CYP7B1: variants seen among roughly 807,000 people sequenced by gnomAD.
CYP7B1 encodes cytochrome P450 7B1.
CYP7B1 carries 29 observed loss-of-function variants against 42.7 expected under a neutral mutation model. That is an observed-to-expected ratio of 0.68 (90% CI 0.51 to 0.93). The LOEUF is 0.93. CYP7B1 is among the 40% of genes least tolerant of loss of function. CYP7B1 has a pLI of 0.00. For missense variants in CYP7B1, 655 were observed against 600.5 expected (o/e 1.09, Z -0.95); for synonymous variants, 235 against 218.2 (o/e 1.08, Z -0.68).
At chr8:64,780,726 C>G (rs1272713173) in intron 1 of CYP7B1, among the ~76,000 whole-genome samples, 1 of 152,090 alleles carries the variant, frequency 6.6e-6, no homozygotes. Flanking sequence ...TTGTATAAAG[C>G]ACAAAAACCT....
At chr8:64,641,659 G>A (rs1466513882) in intron 1 of CYP7B1, among the ~76,000 whole-genome samples, 1 of 152,174 alleles carries the variant, frequency 6.6e-6, no homozygotes, top group Non-Finnish European at 1.5e-5. Context: ...GTAGATTGTA[G>A]TGGTGTTCAC....
chr8:64,665,582 T>G (rs28589796), intron 1 of CYP7B1, among the ~76,000 whole-genome samples: 1 of 123,866 alleles, frequency 8.1e-6, no homozygotes, highest in African/African-American at 3.1e-5. Context: ...TTTTTTTTTT[T>G]TTTTTTTTTT....
chr8:64,608,780 A>G (rs1369520724), intron 4 of CYP7B1, among the ~76,000 whole-genome samples: 2 of 152,224 alleles, frequency 1.3e-5, no homozygotes, highest in African/African-American at 4.8e-5. Flanking sequence ...AAGGTAAATA[A>G]GAAATTGTGA....
At chr8:64,640,032 T>A (rs1157902761) in intron 1 of CYP7B1, among the ~76,000 whole-genome samples, 1 of 152,104 alleles carries the variant, frequency 6.6e-6, no homozygotes, top group Non-Finnish European at 1.5e-5. Context: ...CCCAAAAGCA[T>A]TATGCTAAGA....
chr8:64,731,928 C>T (rs937251775), intron 1 of CYP7B1, among the ~76,000 whole-genome samples: 34 of 152,344 alleles, frequency 2.2e-4, no homozygotes, highest in African/African-American at 8.2e-4. Context: ...AAGTCAAGAA[C>T]TGAGGTTGGG....
intron 1 of CYP7B1, among the ~76,000 whole-genome samples, chr8:64,791,032 T>C (rs1585916979): frequency 6.6e-6 from 1 of 152,210 alleles, no homozygotes; most frequent in East Asian, 1.9e-4. Context: ...AGCCATGATA[T>C]AACATAGAGT....
At chr8:64,682,398 G>T (rs1463537771) in intron 1 of CYP7B1, among the ~76,000 whole-genome samples, 1 of 152,148 alleles carries the variant, frequency 6.6e-6, no homozygotes, top group African/African-American at 2.4e-5. Flanking sequence ...TAACCAAAAG[G>T]CGCTAACCTT....
intron 1 of CYP7B1, among the ~76,000 whole-genome samples, chr8:64,673,917 C>T (rs567772870): frequency 1.3e-5 from 2 of 152,190 alleles, no homozygotes; most frequent in African/African-American, 4.8e-5. Flanking sequence ...AAAAAATATG[C>T]TTTAAAATGA....
downstream of CYP7B1, among the ~76,000 whole-genome samples, chr8:64,589,478 G>A (rs937335770): frequency 1.3e-5 from 2 of 151,806 alleles, no homozygotes; most frequent in African/African-American, 4.8e-5. Context: ...TACTTTTAAC[G>A]GTATTCCATT....
intron 5 of CYP7B1, among the ~76,000 whole-genome samples, chr8:64,599,340 C>A (rs187474205): frequency 2.5e-4 from 38 of 152,202 alleles, no homozygotes; most frequent in Admixed American, 1.8e-3. Context: ...AGGCGCCCAC[C>A]ACCACGCCCG....
intron 1 of CYP7B1, among the ~76,000 whole-genome samples, chr8:64,734,746 T>C (rs1807462064): frequency 6.6e-6 from 1 of 152,234 alleles, no homozygotes; most frequent in Non-Finnish European, 1.5e-5. Context: ...ATCTCTAGAC[T>C]GTTCTACTGG....
intron 1 of CYP7B1, 120 bp downstream of exon 1, chr8:64,798,346 C>T: frequency 1.5e-6 from 2 of 1,341,638 alleles, no homozygotes; most frequent in Non-Finnish European, 1.9e-6. Context: ...GCCAGTACCC[C>T]GCAGCAAGTT....
At chr8:64,681,270 A>G (rs1211414251) in intron 1 of CYP7B1, among the ~76,000 whole-genome samples, 4 of 152,172 alleles carry the variant, frequency 2.6e-5, no homozygotes, top group Non-Finnish European at 5.9e-5. Context: ...TTCTTTGTTC[A>G]GCCAGTTAAT....
chr8:64,594,022 G>A lies in CYP7B1; in HGVS notation c.*2620C>T, dbSNP rs879319511. Among the ~76,000 whole-genome samples, 1 of 152,038 alleles carries A rather than the reference G, an allele frequency of 6.6e-6. No homozygotes were observed. The highest frequency in any genetic ancestry group is 2.4e-5 in the African/African-American group (1 of 41,394). On this transcript the variant is annotated 3_prime_UTR_variant, in exon 6 of 6. Coordinates refer to ENST00000310193, the MANE Select transcript of CYP7B1 (RefSeq NM_004820.5). The stretch of plus-strand genomic sequence containing the variant: ...AACCTTGGAGACCCTACAGAATGGA[G>A]AGGATTGGATGGATCTGAGGATGGG...
intron 1 of CYP7B1, among the ~76,000 whole-genome samples, chr8:64,645,411 C>T (rs1054563013): frequency 7.9e-5 from 12 of 152,072 alleles, no homozygotes; most frequent in Non-Finnish European, 8.8e-5. Flanking sequence ...TCCACATCCT[C>T]TCCAGCACCT....
intron 1 of CYP7B1, among the ~76,000 whole-genome samples, chr8:64,741,878 T>G (rs989371810): frequency 6.6e-6 from 1 of 152,208 alleles, no homozygotes; most frequent in African/African-American, 2.4e-5. Flanking sequence ...AGATAAACTA[T>G]GTTCGTTAAT....
At chr8:64,623,648 C>T (rs1414681110) in intron 2 of CYP7B1, among the ~76,000 whole-genome samples, 1 of 152,132 alleles carries the variant, frequency 6.6e-6, no homozygotes, top group Non-Finnish European at 1.5e-5. Flanking sequence ...AGCAATTCTG[C>T]TGTTTTTTTC....
intron 1 of CYP7B1, among the ~76,000 whole-genome samples, chr8:64,636,940 T>G (rs1805782630): frequency 6.6e-6 from 1 of 152,238 alleles, no homozygotes; most frequent in Non-Finnish European, 1.5e-5. Flanking sequence ...AGATGGGATT[T>G]GATTGGACTC....
At chr8:64,746,190 A>T (rs1807640911) in intron 1 of CYP7B1, among the ~76,000 whole-genome samples, 1 of 152,132 alleles carries the variant, frequency 6.6e-6, no homozygotes, top group African/African-American at 2.4e-5. Flanking sequence ...AACTGTATAG[A>T]CTTTCATGTA....
Sources: allele counts gnomAD v4.1 joint callset (sites outside exome capture counted in the v4.1 genomes callset), GRCh38; gene constraint gnomAD v4.1.1; transcripts MANE v1.5; gene names NCBI Gene and HGNC (gene_info 2026-07-23, HGNC 2026-07-21).